The following ZNF790 variants were observed in gnomAD, a reference collection of about 807,000 sequenced individuals.
The protein encoded by ZNF790 is zinc finger protein 790.
In ZNF790, 8 loss-of-function variants were observed where a neutral mutation model predicts 12.1. The observed-to-expected ratio is 0.66, with a 90% CI of 0.39 to 1.19. The LOEUF (loss-of-function observed/expected upper bound fraction) is 1.19. ZNF790 is among the 50% of genes most tolerant of loss of function. The pLI, the probability that ZNF790 is intolerant of heterozygous loss-of-function variation, is 0.01. For missense variants in ZNF790, 707 were observed against 752.2 expected, an observed-to-expected ratio of 0.94 and a Z score of 0.70; for synonymous variants, 252 against 244.3, an observed-to-expected ratio of 1.03 and a Z score of -0.29.
At position 36,818,359 on chromosome 19, in the gene ZNF790, C is replaced by T. The variant is rs2071588106; in HGVS notation, c.*74G>A. ...AATATTACTTACATTTGTGGTGTTC[C>T]TCAAGAGAAAAAAATAAATGACATC... On this transcript the variant is annotated 3_prime_UTR_variant, in exon 5 of 5. Coordinates refer to ENST00000356725, the MANE Select transcript of ZNF790 (RefSeq NM_206894.4). The T allele has an allele frequency of 7.1e-7, 1 of 1,410,352 alleles. No homozygotes were observed. The highest frequency in any genetic ancestry group is 2.5e-5 in the Admixed American group (1 of 40,662). 87.4% of individuals were successfully genotyped at this position (1,410,352 alleles called of 1,614,324 possible).
At chr19:36,820,670 G>A (rs895697753) in intron 4 of ZNF790, among the ~76,000 whole-genome samples, 10 of 152,158 alleles carry the variant, frequency 6.6e-5, no homozygotes, top group African/African-American at 2.4e-4. Flanking sequence ...TGGAAAGGCT[G>A]AGGCAGATGG....
chr19:36,824,761 AGTT>A (rs2071761142), intron 2 of ZNF790, among the ~76,000 whole-genome samples: 2 of 150,262 alleles, frequency 1.3e-5, no homozygotes, highest in Admixed American at 1.3e-4. Context: ...ATGTGAGAAA[AGTT>A]GGAGGTTTTG....
chr19:36,830,714 C>G (rs2063763889), intron 1 of ZNF790, among the ~76,000 whole-genome samples: 1 of 152,084 alleles, frequency 6.6e-6, no homozygotes, highest in Admixed American at 6.6e-5. Context: ...AACCCTTGAG[C>G]AAAAAAACCT....
chr19:36,848,696 G>T (rs548541762), intron 1 of ZNF790, among the ~76,000 whole-genome samples: 1 of 152,112 alleles, frequency 6.6e-6, no homozygotes, highest in Non-Finnish European at 1.5e-5. Flanking sequence ...AGTTTAATAG[G>T]CAAGAAGGAA....
intron 1 of ZNF790, among the ~76,000 whole-genome samples, chr19:36,836,575 G>A (rs978021179): frequency 6.6e-6 from 1 of 152,098 alleles, no homozygotes; most frequent in Admixed American, 6.6e-5. Context: ...TGGCCGACAC[G>A]GTGAAACCCC....
upstream of ZNF790, among the ~76,000 whole-genome samples, chr19:36,839,250 T>A (rs1032172707): frequency 3.9e-5 from 6 of 152,220 alleles, no homozygotes; most frequent in Non-Finnish European, 7.3e-5. Flanking sequence ...TTCAAACTTA[T>A]CAGGTAACTA....
Position 36,819,993 on chromosome 19 carries a change from A to G in ZNF790, c.351T>C (p.Phe117=), listed in dbSNP as rs774698767. 1.2e-6 allele frequency: 2 copies of G among 1,613,994 alleles called. No homozygotes were observed. The highest frequency in any genetic ancestry group is 2.2e-5 in the East Asian group (1 of 44,886). Residue 117 remains phenylalanine, a synonymous_variant, in exon 5 of 5, where the codon TTT becomes TTC. Coordinates refer to ENST00000356725, the MANE Select transcript of ZNF790 (RefSeq NM_206894.4). ...CKNHSLDCLC[F]RGDWEGNTQF... ...GAGTGTTGCCTTCCCAGTCACCTCTAAAACATAAACAGTCAAGGCTGTGGT... is the reference window on the plus strand; with the variant it reads ...GAGTGTTGCCTTCCCAGTCACCTCTGAAACATAAACAGTCAAGGCTGTGGT...
intron 4 of ZNF790, among the ~76,000 whole-genome samples, chr19:36,821,901 T>C (rs904939867): frequency 3.3e-5 from 5 of 152,186 alleles, no homozygotes; most frequent in Admixed American, 3.3e-4. Context: ...TTGTCTTTTA[T>C]GACACTGTGT....
chr19:36,826,695 A>G (rs954287394), intron 1 of ZNF790, among the ~76,000 whole-genome samples: 1 of 150,254 alleles, frequency 6.7e-6, no homozygotes, highest in Non-Finnish European at 1.5e-5. Context: ...GCACAAGGGA[A>G]TCAGATAAAT....
At chr19:36,836,057 C>T (rs1470333026) in intron 1 of ZNF790, among the ~76,000 whole-genome samples, 13 of 152,050 alleles carry the variant, frequency 8.5e-5, no homozygotes, top group African/African-American at 2.9e-4. Flanking sequence ...ATTCTGCCTA[C>T]CTTGACCCCC....
In ZNF790 at chr19:36,819,070, TTACA is replaced by T; in HGVS notation, c.1270_1273del (p.Cys424SerfsTer228). 1 of 1,614,082 alleles carries T rather than the reference TTACA, an allele frequency of 6.2e-7. No homozygotes were observed. The highest frequency in any genetic ancestry group is 8.5e-7 in the Non-Finnish European group (1 of 1,179,988). The stretch of plus-strand genomic sequence containing the variant: ...CCAAGTAAAAGTCTTCCCGCATTGC[TTACA>T]TTCATAAGGTTTCCTGCCAGTATGA... On this transcript the variant is annotated frameshift_variant, in exon 5 of 5. Coordinates refer to ENST00000356725, the MANE Select transcript of ZNF790 (RefSeq NM_206894.4). LOFTEE classifies it low-confidence loss of function (END_TRUNC).
chr19:36,830,830 A>G (rs942534101), intron 1 of ZNF790, among the ~76,000 whole-genome samples: 6 of 152,226 alleles, frequency 3.9e-5, no homozygotes, highest in Non-Finnish European at 7.3e-5. Flanking sequence ...TAGATATAAC[A>G]TGCGTAAGAT....
chr19:36,819,241 C>T lies in ZNF790; in HGVS notation c.1103G>A (p.Cys368Tyr), dbSNP rs2071611432. 18 of 1,613,922 alleles carry T rather than the reference C, an allele frequency of 1.1e-5. No homozygotes were observed. The highest frequency in any genetic ancestry group is 1.4e-5 in the Non-Finnish European group (17 of 1,179,924). Reference sequence around the variant, plus strand: ...AATAAAGGCTTTTCCACATTCCTTACACTCATGAGATTTCTCACCAGTATG... The same window carrying T: ...AATAAAGGCTTTTCCACATTCCTTATACTCATGAGATTTCTCACCAGTATG... ...RIHTGEKSHE[C>Y]KECGKAFIRG... Residue 368 changes from cysteine to tyrosine, a missense_variant, in exon 5 of 5, where the codon TGT becomes TAT. Coordinates refer to ENST00000356725, the MANE Select transcript of ZNF790 (RefSeq NM_206894.4).
At position 36,835,791 on chromosome 19, in the gene ZNF790, C is replaced by G. The variant is rs572643080; in HGVS notation, c.-74+2546G>C. On this transcript the variant is annotated intron_variant, in intron 1 of 4. Transcript: ENST00000356725. ...CACCAACATTCCTTGGCTTAAGGCC[C>G]ACTTCCTCTATCTAGTAAGCAATGT... 2.2e-4 allele frequency among the ~76,000 whole-genome samples: 33 copies of G among 151,254 alleles called. No individual in the cohort carries two copies. The South Asian group carries it at 5.7e-3, about 26-fold the overall frequency.
intron 4 of ZNF790, 58 bp downstream of exon 4, chr19:36,823,227 G>A: frequency 6.9e-7 from 1 of 1,459,668 alleles, no homozygotes; most frequent in Non-Finnish European, 9.6e-7. Flanking sequence ...GCCTCACTGT[G>A]CAGCTGAGCT....
At chr19:36,835,745 T>G (rs917456047) in intron 1 of ZNF790, among the ~76,000 whole-genome samples, 8 of 151,732 alleles carry the variant, frequency 5.3e-5, no homozygotes, top group African/African-American at 1.5e-4. Context: ...CGTTTTCTTA[T>G]GTTTTCCAGC....
chr19:36,835,730 G>T (rs2072032218), intron 1 of ZNF790, among the ~76,000 whole-genome samples: 1 of 151,834 alleles, frequency 6.6e-6, no homozygotes, highest in South Asian at 2.1e-4. Context: ...CTCCAGGGGA[G>T]AATTCGTTTT....
At chr19:36,834,448 C>T (rs567919086) in intron 1 of ZNF790, among the ~76,000 whole-genome samples, 1 of 152,210 alleles carries the variant, frequency 6.6e-6, no homozygotes, top group East Asian at 1.9e-4. Context: ...TCCAAATGGA[C>T]AATGCACATT....
At chr19:36,847,951 C>T (rs2072195590) in intron 1 of ZNF790, among the ~76,000 whole-genome samples, 3 of 152,286 alleles carry the variant, frequency 2.0e-5, no homozygotes, top group South Asian at 4.1e-4. Context: ...AGAGAGCAGA[C>T]CTACCAGACA....
Sources: gnomAD v4.1 joint callset for allele counts (sites outside exome capture counted in the v4.1 genomes callset) on GRCh38, gnomAD v4.1.1 for gene constraint, MANE v1.5 for transcripts, NCBI Gene and HGNC (gene_info 2026-07-23, HGNC 2026-07-21) for gene names.